The following C1RL variants were observed in gnomAD, a reference collection of about 807,000 sequenced individuals.
The protein encoded by C1RL is complement C1r subcomponent like.
A neutral mutation model predicts 27.9 loss-of-function variants in C1RL; 27 were observed. That is an observed-to-expected ratio of 0.97 (90% CI 0.71 to 1.33). The LOEUF (loss-of-function observed/expected upper bound fraction) is 1.33, where lower values mean the gene tolerates loss of function less well. C1RL is among the 40% of genes most tolerant of loss of function. The probability of loss-of-function intolerance (pLI) is 0.00; values close to 1 mark genes in which losing one functional copy is unlikely to be tolerated. For synonymous variants in C1RL, 248 were observed against 252.1 expected, an observed-to-expected ratio of 0.98 and a Z score of 0.15; for missense variants, 563 against 623.9, an observed-to-expected ratio of 0.90 and a Z score of 1.04.
chr12:7,101,342 C>T (rs1464203048), intron 3 of C1RL, among the ~76,000 whole-genome samples: 1 of 150,948 alleles, frequency 6.6e-6, no homozygotes, highest in African/African-American at 2.4e-5. Context: ...ATGATTGTGG[C>T]TGACTGCAGC....
rs1372968790 is a variant in C1RL at position 7,108,477 on chromosome 12, C to A, written c.74G>T (p.Trp25Leu). 6.3e-7 allele frequency: 1 copy of A among 1,587,164 alleles called. No individual in the cohort carries two copies. The highest frequency in any genetic ancestry group is 1.3e-5 in the African/African-American group (1 of 74,394). The change falls in exon 2 of 6, where the codon TGG becomes TTG. Residue 25 changes from tryptophan to leucine, a missense_variant and splice_region_variant. Physicochemically the swap from Trp to Leu is moderately conservative, Grantham distance 61. Transcript: ENST00000266542. ...PHSKGCPGAM[W>L]WLLLWGVLQA... The stretch of plus-strand genomic sequence containing the variant: ...GAGGACTCCCCAGAGAAGCAGCCAC[C>A]ACCTGTGAGTTGGGGGGAGGGCAAG...
chr12:7,098,073 C>G (rs1938505827), intron 5 of C1RL, among the ~76,000 whole-genome samples: 1 of 152,038 alleles, frequency 6.6e-6, no homozygotes, highest in African/African-American at 2.4e-5. Flanking sequence ...CGAGACCATC[C>G]TGGCTAACCC....
chr12:7,102,174 C>A lies in C1RL; in HGVS notation c.301-87G>T, dbSNP rs1938647754. On this transcript the variant is annotated intron_variant, in intron 2 of 5. Coordinates refer to ENST00000266542, the MANE Select transcript of C1RL (RefSeq NM_016546.4). ...TCACAGGGGCACATCCTCGGTGTGA[C>A]TCCTGCCCCATCTAGACGGGCCGTG... The A allele has an allele frequency of 5.0e-6, 7 of 1,387,446 alleles. No individual in the cohort carries two copies. The Admixed American group carries it at 1.3e-4, about 25-fold the overall frequency. The allele number at this position is 1,387,446 out of a possible 1,614,324, so 85.9% of individuals were successfully genotyped here.
At position 7,105,694 on chromosome 12, in the gene C1RL, C is replaced by G. The variant is rs139755974; in HGVS notation, c.300+2557G>C. ...GATGAAATAGACCCACTATAGAGAA[C>G]AGAAGAAACATCTAAAAATAATCCC... On this transcript the variant is annotated intron_variant, in intron 2 of 5. Transcript: ENST00000266542. Among the ~76,000 whole-genome samples the G allele has an allele frequency of 2.6e-5, 4 of 152,232 alleles. No individual in the cohort carries two copies. In the East Asian group the frequency reaches 7.7e-4, roughly 29 times the overall value.
At chr12:7,097,985 C>T (rs997426895) in intron 5 of C1RL, among the ~76,000 whole-genome samples, 2 of 152,078 alleles carry the variant, frequency 1.3e-5, no homozygotes, top group African/African-American at 4.8e-5. Context: ...GCAATGCTTT[C>T]GGCCGGGCGC....
chr12:7,097,727 C>G (rs866660121), intron 5 of C1RL, among the ~76,000 whole-genome samples: 3 of 152,162 alleles, frequency 2.0e-5, no homozygotes, highest in Admixed American at 6.5e-5. Flanking sequence ...CAGATGAGCA[C>G]ATGTTTGGGG....
intron 2 of C1RL, among the ~76,000 whole-genome samples, chr12:7,103,409 AT>A (rs1354921509): frequency 6.6e-6 from 1 of 152,164 alleles, no homozygotes; most frequent in African/African-American, 2.4e-5. Context: ...AGCACCCAAG[AT>A]CTCAGTTTCC....
intron 1 of C1RL, 79 bp downstream of exon 1, chr12:7,109,031 G>GA (rs1460933268): frequency 1.8e-6 from 1 of 559,036 alleles, no homozygotes. Flanking sequence ...AGGGTGGGGG[G>GA]AGGGAGGGTT....
rs779093421 is a variant in C1RL at position 7,096,956 on chromosome 12, T to C, written c.899A>G (p.Asn300Ser). The C allele has an allele frequency of 6.2e-7, 1 of 1,613,650 alleles. No homozygotes were observed. The highest frequency in any genetic ancestry group is 2.2e-5 in the East Asian group (1 of 44,872). Residue 300 changes from asparagine to serine, a missense_variant, in exon 6 of 6, where the codon AAT becomes AGT. By Grantham distance (46) the Asn-to-Ser change is conservative (BLOSUM62 1). Transcript: ENST00000266542. ...TATGGCTGTGTGGCCCAAGAACACA[T>C]TCACACTCTGGTTCTTCCTGAGAGA... ...SVSLRKNQSV[N>S]VFLGHTAIDE...
chr12:7,107,209 C>T (rs979912960), intron 2 of C1RL, among the ~76,000 whole-genome samples: 1 of 151,678 alleles, frequency 6.6e-6, no homozygotes, highest in Non-Finnish European at 1.5e-5. Context: ...CACTCTGTCA[C>T]CCAGGCTGGA....
intron 3 of C1RL, chr12:7,101,666 G>T (rs778840519): frequency 2.1e-4 from 112 of 533,476 alleles, no homozygotes; most frequent in African/African-American, 2.1e-3. Flanking sequence ...AAAATGAGAT[G>T]ATCTGCAAAC....
Position 7,099,916 on chromosome 12 carries a change from G to A in C1RL, c.601C>T (p.Gln201Ter), listed in dbSNP as rs267603661. 1.2e-6 allele frequency: 2 copies of A among 1,614,110 alleles called. No individual in the cohort carries two copies. Among genetic ancestry groups the A allele is most frequent in the Non-Finnish European group, 1.7e-6 (2 of 1,180,030 alleles). ...GGGGACTCACCTGCTGCCGCGGCCTGATAATAGGGCTCCTGGCAGTGGTTC... is the reference window on the plus strand; with the variant it reads ...GGGGACTCACCTGCTGCCGCGGCCTAATAATAGGGCTCCTGGCAGTGGTTC... ...VQNHCQEPYY[Q>*]AAAAGALTCA... Residue 201 changes from glutamine (Q) to a stop codon, truncating the protein, a stop_gained, in exon 4 of 6, where the codon CAG (glutamine) becomes TAG (stop). Coordinates refer to ENST00000266542, the MANE Select transcript of C1RL (RefSeq NM_016546.4). LOFTEE classifies it high-confidence loss of function.
Position 7,095,505 on chromosome 12 carries a change from A to G in C1RL, c.*886T>C, listed in dbSNP as rs1036614292. 5.1e-6 allele frequency: 5 copies of G among 988,002 alleles called. No individual in the cohort carries two copies. Among genetic ancestry groups the G allele is most frequent in the Non-Finnish European group, 6.0e-6 (5 of 831,372 alleles). 61.2% of individuals were successfully genotyped at this position (988,002 alleles called of 1,614,324 possible). The stretch of plus-strand genomic sequence containing the variant: ...ATAGGGGCACAGGTGGGGTGTCTGC[A>G]AGAACTTCAGTCCAGTGCTGGGCTC... On this transcript the variant is annotated 3_prime_UTR_variant, in exon 6 of 6. Transcript: ENST00000266542.
chr12:7,102,397 A>G (rs1214804446), intron 2 of C1RL, among the ~76,000 whole-genome samples: 2 of 152,144 alleles, frequency 1.3e-5, no homozygotes, highest in African/African-American at 4.8e-5. Flanking sequence ...CATGGGAGTC[A>G]CTGGATTATG....
rs968018442 is a variant in C1RL at position 7,099,978 on chromosome 12, G to T, written c.539C>A (p.Ala180Asp). Residue 180 changes from alanine to aspartate, a missense_variant, in exon 4 of 6, where the codon GCC (alanine) becomes GAC (aspartate). Transcript: ENST00000266542. ...AGGGTTGTCTCCAGGTGCGTTGATG[G>T]CCTCAGAGCCCCTGCTGGCCTCGCT... ...PISEASRGSE[A>D]INAPGDNPAK... 6.2e-7 allele frequency: 1 copy of T among 1,613,790 alleles called. No individual in the cohort carries two copies. Among genetic ancestry groups the T allele is most frequent in the African/African-American group, 1.3e-5 (1 of 74,904 alleles).
At chr12:7,101,036 T>TA (rs1938602170) in intron 3 of C1RL, among the ~76,000 whole-genome samples, 2 of 151,572 alleles carry the variant, frequency 1.3e-5, no homozygotes, top group African/African-American at 4.9e-5. Context: ...TTAGCATACT[T>TA]AAAAAAATGA....
At position 7,108,393 on chromosome 12, in the gene C1RL, G is replaced by A. The variant is rs755651852; in HGVS notation, c.158C>T (p.Thr53Ile). The A allele has an allele frequency of 1.9e-6, 3 of 1,614,154 alleles. No individual in the cohort carries two copies. The highest frequency in any genetic ancestry group is 2.5e-6 in the Non-Finnish European group (3 of 1,180,016). ...ATACGGCTCTGGGTACCCGGGGGAT[G>A]TCAGCTGCTGGGGTAGCTCTTGGGC... is the stretch of plus-strand genomic sequence containing the variant. The part of the protein sequence containing the change: ...LLAQELPQQL[T>I]SPGYPEPYGK... The change falls in exon 2 of 6, where the codon ACA becomes ATA. Residue 53 changes from threonine (T) to isoleucine (I), a missense_variant. By Grantham distance (89) the Thr-to-Ile change is moderately conservative (BLOSUM62 -1). Transcript: ENST00000266542.
At chr12:7,103,081 C>A (rs955376822) in intron 2 of C1RL, among the ~76,000 whole-genome samples, 1 of 152,202 alleles carries the variant, frequency 6.6e-6, no homozygotes, top group Non-Finnish European at 1.5e-5. Flanking sequence ...AAGAAAATTT[C>A]TCAATCGCCC....
intron 4 of C1RL, 64 bp from the exon 5 acceptor site, chr12:7,099,824 C>T: frequency 1.2e-6 from 2 of 1,612,874 alleles, no homozygotes. Context: ...GTTAACGAAG[C>T]AGGTGCTCAG....
Sources: allele counts gnomAD v4.1 joint callset (sites outside exome capture counted in the v4.1 genomes callset), GRCh38; gene constraint gnomAD v4.1.1; transcripts MANE v1.5; gene names NCBI Gene and HGNC (gene_info 2026-07-23, HGNC 2026-07-21).